Variants in RPS6KC1 observed in about 807,000 individuals in gnomAD.
RPS6KC1 encodes the protein inactive ribosomal protein S6 kinase delta-1.
Under a neutral mutation model 103.8 loss-of-function variants are expected in RPS6KC1, and 54 were observed. That is an observed-to-expected ratio of 0.52 (90% CI 0.42 to 0.65). The LOEUF (loss-of-function observed/expected upper bound fraction) is 0.65. Among genes scored for constraint, RPS6KC1 ranks in the 30% least tolerant of loss-of-function variants. The pLI, the probability that RPS6KC1 is intolerant of heterozygous loss-of-function variation, is 0.00. For missense variants in RPS6KC1, 1,151 were observed against 1,253.8 expected (o/e 0.92, Z 1.24); for synonymous variants, 439 against 438.7 (o/e 1.00, Z -0.01).
Position 213,176,442 on chromosome 1 carries a change from A to G in RPS6KC1, c.994A>G (p.Ser332Gly). Residue 332 changes from serine (S) to glycine (G), a missense_variant, in exon 8 of 15, where the codon AGC becomes GGC. Physicochemically the swap from Ser to Gly is moderately conservative, Grantham distance 56. Transcript: ENST00000366960. ...LSSRPLWNLR[S>G]PAEELKAFRV... ...TTCAAGGCCCCTTTGGAACCTAAGG[A>G]GCCCTGCCGAGGAGCTGAAGGCCTT... The G allele has an allele frequency of 6.2e-7, 1 of 1,609,372 alleles. No homozygotes were observed. Among genetic ancestry groups the G allele is most frequent in the Non-Finnish European group, 8.5e-7 (1 of 1,176,554 alleles).
the RPS6KC1 span, among the ~76,000 whole-genome samples, chr1:213,645,045 G>A: frequency 6.6e-6 from 1 of 152,066 alleles, no homozygotes; most frequent in African/African-American, 2.4e-5. Flanking sequence ...AAAGTGATTG[G>A]GTATAGCTTC....
chr1:213,251,813 T>C (rs1441181822), intron 12 of RPS6KC1, among the ~76,000 whole-genome samples: 6 of 152,216 alleles, frequency 3.9e-5, no homozygotes, highest in Non-Finnish European at 7.3e-5. Context: ...ATTTATTAAA[T>C]GCCTCCTGTG....
intron 8 of RPS6KC1, among the ~76,000 whole-genome samples, chr1:213,213,399 T>C (rs933223315): frequency 3.3e-5 from 5 of 152,206 alleles, no homozygotes; most frequent in African/African-American, 4.8e-5. Context: ...CTCTCTGTTC[T>C]GTTGCATTGA....
At chr1:213,376,748 T>G in the RPS6KC1 span, among the ~76,000 whole-genome samples, 1 of 152,198 alleles carries the variant, frequency 6.6e-6, no homozygotes, top group East Asian at 1.9e-4. Flanking sequence ...CTATTTTCTT[T>G]CTGGAAATAG....
chr1:213,407,097 C>T, the RPS6KC1 span, among the ~76,000 whole-genome samples: 3 of 152,120 alleles, frequency 2.0e-5, no homozygotes, highest in Non-Finnish European at 4.4e-5. Flanking sequence ...GGCCTGACAT[C>T]CTACAGGTGG....
chr1:213,306,181 A>G, the RPS6KC1 span, among the ~76,000 whole-genome samples: 1 of 152,184 alleles, frequency 6.6e-6, no homozygotes, highest in Non-Finnish European at 1.5e-5. Context: ...AAAGTTAAGC[A>G]TTCTCTTAAG....
At position 213,241,801 on chromosome 1, in the gene RPS6KC1, G is replaced by T; in HGVS notation, c.2325G>T (p.Met775Ile). 1 of 1,613,982 alleles carries T rather than the reference G, an allele frequency of 6.2e-7. No individual in the cohort carries two copies. The highest frequency in any genetic ancestry group is 1.1e-5 in the South Asian group (1 of 91,080). Reference sequence around the variant, plus strand: ...ACTATGCACAGGAGGATCCCAGGATGTTATTTGTAGCAGCTGTTGATCATA... The same window carrying T: ...ACTATGCACAGGAGGATCCCAGGATTTTATTTGTAGCAGCTGTTGATCATA... ...EKHYAQEDPR[M>I]LFVAAVDHSS... Residue 775 changes from methionine (M) to isoleucine (I), a missense_variant, in exon 11 of 15, where the codon ATG becomes ATT. By Grantham distance (10) the Met-to-Ile change is conservative (BLOSUM62 1). Coordinates refer to ENST00000366960, the MANE Select transcript of RPS6KC1 (RefSeq NM_012424.6).
chr1:213,265,563 T>C (rs1199056931), intron 14 of RPS6KC1, among the ~76,000 whole-genome samples: 2 of 139,174 alleles, frequency 1.4e-5, no homozygotes, highest in African/African-American at 4.9e-5. Context: ...ATAAATTGTC[T>C]GATTGTGAAA....
intron 1 of RPS6KC1, among the ~76,000 whole-genome samples, chr1:213,069,749 A>G (rs1239500927): frequency 2.0e-5 from 3 of 152,258 alleles, no homozygotes; most frequent in African/African-American, 7.2e-5. Flanking sequence ...GCTACTCCAT[A>G]GGCAGAACAG....
chr1:213,451,277 C>G, the RPS6KC1 span, among the ~76,000 whole-genome samples: 1 of 152,110 alleles, frequency 6.6e-6, no homozygotes, highest in Admixed American at 6.6e-5. Flanking sequence ...TTTAAGGAAA[C>G]CTATGCATTG....
chr1:213,123,308 AT>A (rs1321188325), intron 5 of RPS6KC1, among the ~76,000 whole-genome samples: 1 of 152,176 alleles, frequency 6.6e-6, no homozygotes, highest in Non-Finnish European at 1.5e-5. Flanking sequence ...TATAAAGTTC[AT>A]TTGGCAAAAA....
chr1:213,669,028 T>C, the RPS6KC1 span, among the ~76,000 whole-genome samples: 1 of 152,210 alleles, frequency 6.6e-6, no homozygotes, highest in Non-Finnish European at 1.5e-5. Flanking sequence ...TATAGACCAC[T>C]CAAACTTTCT....
the RPS6KC1 span, among the ~76,000 whole-genome samples, chr1:213,286,463 C>T: frequency 6.6e-6 from 1 of 152,134 alleles, no homozygotes; most frequent in African/African-American, 2.4e-5. Flanking sequence ...ACAATTTGAC[C>T]TTCAAAAATA....
chr1:213,375,197 A>G, the RPS6KC1 span, among the ~76,000 whole-genome samples: 1 of 152,006 alleles, frequency 6.6e-6, no homozygotes, highest in Admixed American at 6.5e-5. Flanking sequence ...GTACATACAC[A>G]TATACACATA....
the RPS6KC1 span, among the ~76,000 whole-genome samples, chr1:213,812,652 T>C: frequency 6.6e-6 from 1 of 152,204 alleles, no homozygotes; most frequent in East Asian, 1.9e-4. Context: ...TAAAGAGATA[T>C]TTATTCCCAG....
At chr1:213,441,037 G>A in the RPS6KC1 span, among the ~76,000 whole-genome samples, 8 of 152,160 alleles carry the variant, frequency 5.3e-5, no homozygotes, top group African/African-American at 1.7e-4. Context: ...ATCTGTAGAG[G>A]TCAGCTCCGG....
the RPS6KC1 span, among the ~76,000 whole-genome samples, chr1:213,355,416 G>A: frequency 2.0e-5 from 3 of 152,016 alleles, no homozygotes. Context: ...TGGATCCACC[G>A]GCCTTAGACA....
chr1:213,733,548 GT>G, the RPS6KC1 span, among the ~76,000 whole-genome samples: 323 of 142,170 alleles, frequency 2.3e-3, no homozygotes, highest in African/African-American at 6.7e-3. Context: ...TTTTTAGTTT[GT>G]TTTTTTTTTT....
the RPS6KC1 span, among the ~76,000 whole-genome samples, chr1:213,412,218 ATCTT>A: frequency 6.6e-6 from 1 of 152,202 alleles, no homozygotes; most frequent in African/African-American, 2.4e-5. Flanking sequence ...TATCAGGAAA[ATCTT>A]TATTAAGTTC....
Sources: allele counts gnomAD v4.1 joint callset (sites outside exome capture counted in the v4.1 genomes callset), GRCh38; gene constraint gnomAD v4.1.1; transcripts MANE v1.5; gene names NCBI Gene and HGNC (gene_info 2026-07-23, HGNC 2026-07-21).